Variants in NXPH1 observed in about 807,000 individuals in gnomAD.
NXPH1 encodes neurexophilin 1.
In NXPH1, 5 loss-of-function variants were observed where a neutral mutation model predicts 23.7. The observed-to-expected ratio is 0.21, with a 90% confidence interval of 0.11 to 0.44. The LOEUF (loss-of-function observed/expected upper bound fraction) is 0.44. Ranked by LOEUF, NXPH1 falls within the 20% of genes least tolerant of loss-of-function variation. NXPH1 has a pLI of 0.99. For synonymous variants in NXPH1, 144 were observed against 122.2 expected (o/e 1.18, Z -1.18); for missense variants, 324 against 321.6 (o/e 1.01, Z -0.06).
chr7:8,573,793 C>A (rs1461633487), intron 2 of NXPH1, among the ~76,000 whole-genome samples: 1 of 152,084 alleles, frequency 6.6e-6, no homozygotes, highest in Non-Finnish European at 1.5e-5. Context: ...CATCAGCTAT[C>A]AAAATTTGAA....
intron 2 of NXPH1, among the ~76,000 whole-genome samples, chr7:8,749,554 G>C (rs984871557): frequency 2.6e-5 from 4 of 152,156 alleles, no homozygotes; most frequent in Non-Finnish European, 5.9e-5. Flanking sequence ...AATTCCTAAT[G>C]GGCCTGAATT....
chr7:8,477,847 A>G (rs549771987), intron 2 of NXPH1, among the ~76,000 whole-genome samples: 12 of 152,236 alleles, frequency 7.9e-5, no homozygotes, highest in African/African-American at 2.6e-4. Context: ...AAGATTGAGA[A>G]CCACGTAAGC....
At chr7:8,695,301 G>A (rs150609484) in intron 2 of NXPH1, among the ~76,000 whole-genome samples, 1 of 152,254 alleles carries the variant, frequency 6.6e-6, no homozygotes, top group East Asian at 1.9e-4. Context: ...AGCACAGGTG[G>A]CGAAACTGAG....
chr7:8,479,663 G>A (rs1233381626), intron 2 of NXPH1, among the ~76,000 whole-genome samples: 1 of 152,076 alleles, frequency 6.6e-6, no homozygotes, highest in Non-Finnish European at 1.5e-5. Flanking sequence ...CCAGGTCTGG[G>A]GCAGGAAATG....
intron 2 of NXPH1, among the ~76,000 whole-genome samples, chr7:8,489,796 C>G (rs1817218909): frequency 6.6e-6 from 1 of 152,086 alleles, no homozygotes; most frequent in African/African-American, 2.4e-5. Context: ...TTAACCTCCA[C>G]CAACAAATTC....
chr7:8,640,999 T>C (rs1413655030), intron 2 of NXPH1, among the ~76,000 whole-genome samples: 1 of 152,116 alleles, frequency 6.6e-6, no homozygotes, highest in Non-Finnish European at 1.5e-5. Flanking sequence ...GTGTTATTTA[T>C]ATTAGGCTGA....
intron 2 of NXPH1, among the ~76,000 whole-genome samples, chr7:8,652,855 T>A (rs1820510489): frequency 6.6e-6 from 1 of 152,202 alleles, no homozygotes; most frequent in Non-Finnish European, 1.5e-5. Context: ...GGTTAAGAGA[T>A]TTAATTCTCT....
At chr7:8,747,019 A>G (rs1354681048) in intron 2 of NXPH1, among the ~76,000 whole-genome samples, 1 of 152,210 alleles carries the variant, frequency 6.6e-6, no homozygotes, top group Admixed American at 6.5e-5. Flanking sequence ...GGTGATGACA[A>G]CAGCTAAGAC....
At chr7:8,573,534 T>A (rs1308936471) in intron 2 of NXPH1, among the ~76,000 whole-genome samples, 1 of 152,096 alleles carries the variant, frequency 6.6e-6, no homozygotes, top group East Asian at 1.9e-4. Flanking sequence ...AAGGAACAGT[T>A]GGAATATTTT....
intron 2 of NXPH1, among the ~76,000 whole-genome samples, chr7:8,531,225 T>C (rs565745894): frequency 1.8e-4 from 28 of 152,242 alleles, no homozygotes; most frequent in African/African-American, 6.0e-4. Context: ...TGAGCTATTA[T>C]TTTTCCAGCC....
At chr7:8,550,658 A>T (rs1454133382) in intron 2 of NXPH1, among the ~76,000 whole-genome samples, 1 of 151,632 alleles carries the variant, frequency 6.6e-6, no homozygotes, top group African/African-American at 2.4e-5. Context: ...GAATTATTTT[A>T]GTCCCACCAT....
chr7:8,603,598 C>A (rs1448313385), intron 2 of NXPH1, among the ~76,000 whole-genome samples: 1 of 152,118 alleles, frequency 6.6e-6, no homozygotes, highest in Non-Finnish European at 1.5e-5. Context: ...TTTGTGATAT[C>A]TTTTCAGCTT....
At chr7:8,450,658 G>T (rs1244570571) in intron 2 of NXPH1, among the ~76,000 whole-genome samples, 1 of 152,234 alleles carries the variant, frequency 6.6e-6, no homozygotes, top group Non-Finnish European at 1.5e-5. Context: ...CCTTGGGAGA[G>T]CTTAGTTATG....
chr7:8,678,590 C>T (rs886607127), intron 2 of NXPH1, among the ~76,000 whole-genome samples: 1 of 152,066 alleles, frequency 6.6e-6, no homozygotes, highest in Admixed American at 6.6e-5. Context: ...CCCATCCTCT[C>T]GTGATCACCA....
At chr7:8,526,661 A>C (rs1243467195) in intron 2 of NXPH1, among the ~76,000 whole-genome samples, 1 of 152,160 alleles carries the variant, frequency 6.6e-6, no homozygotes, top group Non-Finnish European at 1.5e-5. Context: ...AATAAGTCTC[A>C]TGAGATCTGA....
chr7:8,581,803 G>A (rs1254324616), intron 2 of NXPH1, among the ~76,000 whole-genome samples: 6 of 152,136 alleles, frequency 3.9e-5, no homozygotes, highest in Non-Finnish European at 8.8e-5. Context: ...AGTACAGGAG[G>A]TCAAAAAGGA....
chr7:8,618,298 T>C (rs910622045), intron 2 of NXPH1, among the ~76,000 whole-genome samples: 1 of 152,178 alleles, frequency 6.6e-6, no homozygotes, highest in East Asian at 1.9e-4. Context: ...AATTATCTGA[T>C]GCCACTGATT....
At position 8,737,719 on chromosome 7, in the gene NXPH1, A is replaced by C. The variant is rs184867774; in HGVS notation, c.55-13289A>C. 5.9e-5 allele frequency among the ~76,000 whole-genome samples: 9 copies of C among 152,284 alleles called. No individual in the cohort carries two copies. The South Asian group carries it at 1.0e-3, about 18-fold the overall frequency. ...GGAAGTTCTCCTGGATAATATCCTG[A>C]AGAGTGTTTTCCAACTTGTTTCCAT... is the stretch of plus-strand genomic sequence containing the variant. On this transcript the variant is annotated intron_variant, in intron 2 of 2. Transcript: ENST00000405863.
chr7:8,657,493 G>A (rs7801074), intron 2 of NXPH1, among the ~76,000 whole-genome samples: 106,659 of 152,086 alleles, frequency 0.7, 38,266 homozygotes, highest in East Asian at 1. Flanking sequence ...AGAAGCCCTG[G>A]CCCACTCCTA....
Sources: allele counts gnomAD v4.1 joint callset (sites outside exome capture counted in the v4.1 genomes callset), GRCh38; gene constraint gnomAD v4.1.1; transcripts MANE v1.5; gene names NCBI Gene and HGNC (gene_info 2026-07-23, HGNC 2026-07-21).